VPS13B: variants seen among roughly 807,000 people sequenced by gnomAD.
The protein encoded by VPS13B is vacuolar protein sorting 13 homolog B.
Under a neutral mutation model 426.4 loss-of-function variants are expected in VPS13B, and 285 were observed. That is an observed-to-expected ratio of 0.67 (90% CI 0.61 to 0.74). The LOEUF is 0.74. VPS13B is among the 30% of genes least tolerant of loss of function. VPS13B has a pLI of 0.00. For synonymous variants in VPS13B, 1,676 were observed against 1,676.4 expected (o/e 1.00, Z 0.01); for missense variants, 4,537 against 4,782.6 (o/e 0.95, Z 1.51).
chr8:99,450,695 G>A (rs1275624836), intron 23 of VPS13B, among the ~76,000 whole-genome samples: 2 of 152,072 alleles, frequency 1.3e-5, no homozygotes, highest in East Asian at 3.9e-4. Flanking sequence ...CCTGGTGACA[G>A]AGCAAGACTC....
intron 35 of VPS13B, among the ~76,000 whole-genome samples, chr8:99,685,610 T>C (rs1348569553): frequency 6.6e-6 from 1 of 152,210 alleles, no homozygotes; most frequent in Non-Finnish European, 1.5e-5. Context: ...TTTCTTCAGC[T>C]TGATCAATTC....
chr8:99,050,052 A>G (rs2132259182), intron 3 of VPS13B, among the ~76,000 whole-genome samples: 1 of 151,232 alleles, frequency 6.6e-6, no homozygotes, highest in Admixed American at 6.6e-5. Flanking sequence ...TTTAAATTAT[A>G]CTTTGAGTTT....
intron 19 of VPS13B, among the ~76,000 whole-genome samples, chr8:99,319,809 T>C (rs994216505): frequency 6.6e-6 from 1 of 152,220 alleles, no homozygotes; most frequent in African/African-American, 2.4e-5. Context: ...TTTTACAGTC[T>C]TAGTTTCCTG....
At position 99,871,189 on chromosome 8, in the gene VPS13B, T is replaced by C. The variant is rs370510497; in HGVS notation, c.11496-259T>C. The stretch of plus-strand genomic sequence containing the variant: ...ATTCCCTGTGGAACCAGCACTCTAA[T>C]TAGAGGTGCTATTTCTAATGGGGAG... On this transcript the variant is annotated intron_variant, in intron 60 of 61. Coordinates refer to ENST00000357162, the MANE Select transcript of VPS13B (RefSeq NM_152564.5). 12 of 612,214 alleles carry C rather than the reference T, an allele frequency of 2.0e-5. No homozygotes were observed. In the East Asian group the frequency reaches 3.4e-4, roughly 18 times the overall value. 37.9% of individuals were successfully genotyped at this position (612,214 alleles called of 1,614,324 possible).
intron 3 of VPS13B, among the ~76,000 whole-genome samples, chr8:99,075,888 A>G (rs564296240): frequency 2.0e-5 from 3 of 151,682 alleles, no homozygotes; most frequent in African/African-American, 4.8e-5. Flanking sequence ...TCTGATCTTT[A>G]TTGTTTCCTT....
chr8:99,870,775 C>G lies in VPS13B; in HGVS notation c.11393-10C>G. On this transcript the variant is annotated splice_polypyrimidine_tract_variant and intron_variant, in intron 59 of 61. Transcript: ENST00000357162. ...CAAGTAGTAAAACTCCCTTACTTCT[C>G]TTACCACAGGTATTTTACATGGAGC... is the stretch of plus-strand genomic sequence containing the variant. 1 of 1,613,800 alleles carries G rather than the reference C, an allele frequency of 6.2e-7. No homozygotes were observed. Among genetic ancestry groups the G allele is most frequent in the Non-Finnish European group, 8.5e-7 (1 of 1,179,674 alleles).
At chr8:99,099,789 T>G (rs1310939124) in intron 4 of VPS13B, among the ~76,000 whole-genome samples, 1 of 152,142 alleles carries the variant, frequency 6.6e-6, no homozygotes, top group Non-Finnish European at 1.5e-5. Context: ...TGAAAATTAG[T>G]GTTTTCATCT....
At chr8:99,110,520 A>G (rs1210888600) in intron 5 of VPS13B, among the ~76,000 whole-genome samples, 2 of 152,030 alleles carry the variant, frequency 1.3e-5, no homozygotes, top group Non-Finnish European at 2.9e-5. Context: ...TCTCTCCAAT[A>G]TGGTAGCCAC....
chr8:99,710,577 A>G (rs552927222), intron 36 of VPS13B, among the ~76,000 whole-genome samples: 1 of 152,294 alleles, frequency 6.6e-6, no homozygotes, highest in Admixed American at 6.5e-5. Context: ...AGGAAAATTA[A>G]TAACCCTGTC....
At chr8:99,308,556 C>T (rs1381762813) in intron 19 of VPS13B, among the ~76,000 whole-genome samples, 1 of 152,160 alleles carries the variant, frequency 6.6e-6, no homozygotes, top group Non-Finnish European at 1.5e-5. Flanking sequence ...ATATGTGCCA[C>T]ATTTTCTTAA....
chr8:99,876,176 GT>G lies in VPS13B; in HGVS notation c.*515del. 5.9e-6 allele frequency: 1 copy of G among 169,296 alleles called. No homozygotes were observed. The allele number at this position is 169,296 out of a possible 1,614,324, so 10.5% of individuals were successfully genotyped here. On this transcript the variant is annotated 3_prime_UTR_variant, in exon 62 of 62. Transcript: ENST00000357162. ...AGAGTTAAAACTTCAAGTTGCATCTGTTTTTGGGCTGAGTCACCACCTTTGC... is the reference window on the plus strand; with the variant it reads ...AGAGTTAAAACTTCAAGTTGCATCTGTTTTGGGCTGAGTCACCACCTTTGC...
chr8:99,837,451 G>T (rs965110360), intron 54 of VPS13B, among the ~76,000 whole-genome samples: 1 of 152,152 alleles, frequency 6.6e-6, no homozygotes, highest in African/African-American at 2.4e-5. Context: ...GAAGATTTTT[G>T]AAATCTTGCT....
At chr8:99,601,635 A>G (rs964543395) in intron 33 of VPS13B, among the ~76,000 whole-genome samples, 7 of 152,108 alleles carry the variant, frequency 4.6e-5, no homozygotes, top group Admixed American at 3.9e-4. Flanking sequence ...AATTGTTTCT[A>G]TTTCTCCACA....
intron 17 of VPS13B, among the ~76,000 whole-genome samples, chr8:99,195,223 T>C (rs1467057890): frequency 1.3e-5 from 2 of 152,240 alleles, no homozygotes; most frequent in East Asian, 3.8e-4. Flanking sequence ...ATGGCCATTC[T>C]AACAGGTATG....
intron 8 of VPS13B, among the ~76,000 whole-genome samples, chr8:99,132,378 C>T (rs924382444): frequency 6.6e-6 from 1 of 152,114 alleles, no homozygotes; most frequent in Admixed American, 6.5e-5. Flanking sequence ...AGAAGCCAGT[C>T]CTCTTCAGGT....
intron 5 of VPS13B, among the ~76,000 whole-genome samples, chr8:99,107,884 G>T (rs1847127752): frequency 6.6e-6 from 1 of 152,138 alleles, no homozygotes; most frequent in South Asian, 2.1e-4. Context: ...TACATGTGCA[G>T]GTCTGTTACT....
At chr8:99,699,390 T>G in intron 35 of VPS13B, 135 bp from the exon 36 acceptor site, 1 of 909,644 alleles carries the variant, frequency 1.1e-6, no homozygotes, top group Non-Finnish European at 1.7e-6. Flanking sequence ...GTAAGAGATA[T>G]ATCATGTTCA....
At chr8:99,540,034 TATATATATATATATATATATATA>T (rs1823489734) in intron 30 of VPS13B, among the ~76,000 whole-genome samples, 1 of 3,672 alleles carries the variant, frequency 2.7e-4, no homozygotes, top group Non-Finnish European at 5.4e-4. Context: ...TATATATATA[TATATATATATATATATATATATA>T]TATATATTTT....
At chr8:99,271,208 A>C (rs1030429664) in intron 17 of VPS13B, among the ~76,000 whole-genome samples, 1 of 112,646 alleles carries the variant, frequency 8.9e-6, no homozygotes. Context: ...TACTACTACT[A>C]CTACTACTAC....
Sources: gnomAD v4.1 joint callset for allele counts (sites outside exome capture counted in the v4.1 genomes callset) on GRCh38, gnomAD v4.1.1 for gene constraint, MANE v1.5 for transcripts, NCBI Gene and HGNC (gene_info 2026-07-23, HGNC 2026-07-21) for gene names.